The following SASH1 variants were observed in gnomAD, a reference collection of about 807,000 sequenced individuals.
SASH1 encodes SAM and SH3 domain containing 1.
In SASH1, 44 loss-of-function variants were observed where a neutral mutation model predicts 125.2. That is an observed-to-expected ratio of 0.35 (90% confidence interval 0.28 to 0.45). The LOEUF (loss-of-function observed/expected upper bound fraction) is 0.45, where lower values mean the gene tolerates loss of function less well. Ranked by LOEUF, SASH1 falls within the 20% of genes least tolerant of loss-of-function variation. The probability of loss-of-function intolerance (pLI) is 1.00; values close to 1 mark genes in which losing one functional copy is unlikely to be tolerated. For synonymous variants in SASH1, 639 were observed against 649.1 expected (o/e 0.98, Z 0.24); for missense variants, 1,426 against 1,614.5 (o/e 0.88, Z 2.00).
intron 1 of SASH1, among the ~76,000 whole-genome samples, chr6:148,319,202 C>CTTTTGTATTT (rs1780574599): frequency 6.6e-6 from 1 of 150,878 alleles, no homozygotes; most frequent in Non-Finnish European, 1.5e-5. Context: ...CCGGCTAATT[C>CTTTTGTATTT]TTTTGTATTT....
At chr6:148,326,376 A>ACATACATTCTT (rs1554235371) in intron 1 of SASH1, among the ~76,000 whole-genome samples, 42 of 38,316 alleles carry the variant, frequency 1.1e-3, no homozygotes, top group Non-Finnish European at 1.9e-3. Context: ...ATATATATAC[A>ACATACATTCTT]TTCTTTTCTT....
At chr6:148,260,438 C>T in the SASH1 span, among the ~76,000 whole-genome samples, 1 of 151,836 alleles carries the variant, frequency 6.6e-6, no homozygotes, top group African/African-American at 2.4e-5. Flanking sequence ...AAGAATGCGT[C>T]TCTACAAAAA....
chr6:148,291,465 G>A (rs2128508911), intron 1 of SASH1, among the ~76,000 whole-genome samples: 1 of 152,214 alleles, frequency 6.6e-6, no homozygotes, highest in Non-Finnish European at 1.5e-5. Flanking sequence ...CAGATCACTT[G>A]AGGTCAGGAG....
At position 148,548,382 on chromosome 6, in the gene SASH1, G is replaced by C; in HGVS notation, c.3568G>C (p.Gly1190Arg). 1 of 1,614,122 alleles carries C rather than the reference G, an allele frequency of 6.2e-7. No individual in the cohort carries two copies. The highest frequency in any genetic ancestry group is 2.2e-5 in the East Asian group (1 of 44,872). ...TGTGTCAGATTGGCTCATTTCCATC[G>C]GTCTGCCCATGTACGCCGGCACCCT... ...SSVSDWLISI[G>R]LPMYAGTLST... The change falls in exon 20 of 20, where the codon GGT (glycine) becomes CGT (arginine). Residue 1190 changes from glycine (G) to arginine (R), a missense_variant. Gly to Arg is a moderately radical substitution (Grantham distance 125). Around this residue, in one of 3 missense-constraint regions of SASH1, gnomAD observed 634 missense variants for 694.4 expected, o/e 0.91. Coordinates refer to ENST00000367467, the MANE Select transcript of SASH1 (RefSeq NM_015278.5).
chr6:148,392,426 G>A (rs934361876), intron 2 of SASH1, among the ~76,000 whole-genome samples: 2 of 152,030 alleles, frequency 1.3e-5, no homozygotes, highest in African/African-American at 4.8e-5. Context: ...AACTAAGTAG[G>A]AACAGATAAT....
chr6:148,338,954 G>A (rs951676342), upstream of SASH1, among the ~76,000 whole-genome samples: 7 of 134,982 alleles, frequency 5.2e-5, no homozygotes, highest in South Asian at 2.3e-4. Flanking sequence ...GCAGTGAGCC[G>A]AAATCGGGCC....
chr6:148,343,852 A>G (rs1781429048), intron 1 of SASH1, among the ~76,000 whole-genome samples: 1 of 152,158 alleles, frequency 6.6e-6, no homozygotes, highest in African/African-American at 2.4e-5. Flanking sequence ...TGGAGGGTGA[A>G]GTTTTAACCT....
chr6:148,211,319 C>G, the SASH1 span, among the ~76,000 whole-genome samples: 3 of 152,118 alleles, frequency 2.0e-5, no homozygotes, highest in African/African-American at 7.2e-5. Flanking sequence ...GGCTGTAATC[C>G]CAGCACTTTG....
chr6:148,396,875 G>A (rs1783975847), intron 2 of SASH1, among the ~76,000 whole-genome samples: 2 of 152,042 alleles, frequency 1.3e-5, no homozygotes, highest in South Asian at 4.1e-4. Flanking sequence ...AGTTATTAGA[G>A]GCTTAAATGA....
At chr6:148,354,057 T>A (rs750587412) in intron 1 of SASH1, among the ~76,000 whole-genome samples, 1 of 151,994 alleles carries the variant, frequency 6.6e-6, no homozygotes, top group Non-Finnish European at 1.5e-5. Flanking sequence ...CCCAGCTACT[T>A]GGGAGGCTGA....
At chr6:148,503,901 T>A (rs1002718577) in intron 8 of SASH1, among the ~76,000 whole-genome samples, 1 of 152,198 alleles carries the variant, frequency 6.6e-6, no homozygotes. Context: ...ATACGTCATT[T>A]CTCTTACTAC....
intron 1 of SASH1, among the ~76,000 whole-genome samples, chr6:148,301,053 C>T (rs1348539800): frequency 6.6e-6 from 1 of 151,926 alleles, no homozygotes; most frequent in East Asian, 2.0e-4. Flanking sequence ...CTCGGCCGGG[C>T]TCGGTGGCTC....
At chr6:148,504,985 C>T (rs918613331) in intron 8 of SASH1, among the ~76,000 whole-genome samples, 1 of 152,158 alleles carries the variant, frequency 6.6e-6, no homozygotes, top group Non-Finnish European at 1.5e-5. Flanking sequence ...GTATCCTTCC[C>T]GCCACCCTCC....
At chr6:148,253,359 G>C in the SASH1 span, among the ~76,000 whole-genome samples, 9 of 152,154 alleles carry the variant, frequency 5.9e-5, no homozygotes, top group African/African-American at 2.2e-4. Context: ...CTAGGTAACT[G>C]AATGCAAAAG....
At chr6:148,476,253 A>AT (rs2115148015) in intron 7 of SASH1, among the ~76,000 whole-genome samples, 1 of 136,690 alleles carries the variant, frequency 7.3e-6, no homozygotes, top group African/African-American at 2.9e-5. Flanking sequence ...ACAATAAAAC[A>AT]TTGATGCAAG....
intron 8 of SASH1, among the ~76,000 whole-genome samples, chr6:148,510,307 T>A (rs951260642): frequency 7.9e-5 from 12 of 152,204 alleles, no homozygotes; most frequent in African/African-American, 2.9e-4. Flanking sequence ...GTGGGATAAG[T>A]TGCCTTTTTC....
chr6:148,220,581 G>C, the SASH1 span, among the ~76,000 whole-genome samples: 1 of 152,192 alleles, frequency 6.6e-6, no homozygotes, highest in Non-Finnish European at 1.5e-5. Flanking sequence ...TGATTGGATG[G>C]GGAAAACAAG....
chr6:148,471,386 C>CTTT (rs35487674), intron 5 of SASH1, 31 bp from the exon 6 acceptor site: 200 of 503,496 alleles, frequency 4.0e-4, no homozygotes, highest in South Asian at 1.1e-3. Flanking sequence ...GCTTTTTGTT[C>CTTT]TTTTTTTTTT....
chr6:148,438,436 T>C (rs1583160086), intron 2 of SASH1, among the ~76,000 whole-genome samples: 1 of 152,232 alleles, frequency 6.6e-6, no homozygotes, highest in East Asian at 1.9e-4. Flanking sequence ...CTCAAAACAT[T>C]GTCCATATAC....
Sources: gnomAD v4.1 joint callset for allele counts (sites outside exome capture counted in the v4.1 genomes callset) on GRCh38, gnomAD v4.1.1 for gene constraint, gnomAD v4.1.1 regional missense constraint, MANE v1.5 for transcripts, NCBI Gene and HGNC (gene_info 2026-07-23, HGNC 2026-07-21) for gene names.